Variants in PDCD2 observed in about 807,000 individuals in gnomAD.
The protein encoded by PDCD2 is programmed cell death 2, also known as uS5 assembly chaperone PDCD2.
Under a neutral mutation model 38.1 loss-of-function variants are expected in PDCD2, and 38 were observed. The ratio of observed to expected loss-of-function variants is 1.00; its 90% confidence interval spans 0.77 to 1.31. PDCD2 has a LOEUF of 1.31. Among genes scored for constraint, PDCD2 ranks in the 50% most tolerant of loss-of-function variants. The pLI is 0.00. For synonymous variants in PDCD2, 205 were observed against 168.9 expected (o/e 1.21, Z -1.66); for missense variants, 473 against 435.7 (o/e 1.09, Z -0.76).
chr6:170,579,105 A>G (rs1269428407), intron 4 of PDCD2, 135 bp from the exon 5 acceptor site: 6 of 599,084 alleles, frequency 1.0e-5, no homozygotes, highest in Non-Finnish European at 1.7e-5. Flanking sequence ...CAGTTCCCCC[A>G]TCAGACCTGG....
chr6:170,583,592 A>G lies in PDCD2; in HGVS notation c.439T>C (p.Ser147Pro), dbSNP rs762924182. The change falls in exon 2 of 6, where the codon TCC becomes CCC. Residue 147 changes from serine to proline, a missense_variant. By Grantham distance (74) the Ser-to-Pro change is moderately conservative (BLOSUM62 -1). Coordinates refer to ENST00000541970, the MANE Select transcript of PDCD2 (RefSeq NM_002598.4). ...VCGCLGPKTC[S>P]RCHKAYYCSK... ...CAGTAATATGCTTTGTGGCATCTGG[A>G]GCACGTTTTGGGGCCTAAACAGCCA... 8.1e-6 allele frequency: 13 copies of G among 1,613,778 alleles called. No individual in the cohort carries two copies. In the South Asian group the frequency reaches 1.4e-4, roughly 18 times the overall value.
At chr6:170,579,372 T>C (rs1321017571) in intron 4 of PDCD2, 1 of 167,980 alleles carries the variant, frequency 6.0e-6, no homozygotes, top group African/African-American at 2.4e-5. Context: ...AACATAGTGT[T>C]TTGAAAACTA....
intron 3 of PDCD2, chr6:170,582,182 A>G (rs1779628050): frequency 6.7e-7 from 1 of 1,499,316 alleles, no homozygotes; most frequent in Non-Finnish European, 9.0e-7. Flanking sequence ...CATTATATGG[A>G]CTTTAACTTC....
At chr6:170,579,581 G>C (rs1779537729) in intron 4 of PDCD2, 2 of 156,292 alleles carry the variant, frequency 1.3e-5, no homozygotes, top group Admixed American at 6.4e-5. Flanking sequence ...GTTTATGGTA[G>C]GGGAGGTTAA....
At chr6:170,577,767 A>G (rs753226224) in intron 5 of PDCD2, 50 bp from the exon 6 acceptor site, 2 of 1,582,274 alleles carry the variant, frequency 1.3e-6, no homozygotes, top group East Asian at 2.3e-5. Flanking sequence ...AGCAGGGAGC[A>G]CGAGACCTTC....
Position 170,584,298 on chromosome 6 carries a change from C to A in PDCD2, c.283+1G>T. On this transcript the variant is annotated splice_donor_variant, in intron 1 of 5. Coordinates refer to ENST00000541970, the MANE Select transcript of PDCD2 (RefSeq NM_002598.4). LOFTEE classifies it high-confidence loss of function. ...CGTCCCGACCCCGTTTGGCGGCTCA[C>A]CTCGCAGGCCGGCACAGCACGGCTG... The A allele has an allele frequency of 1.4e-6, 2 of 1,445,194 alleles. No homozygotes were observed. Among genetic ancestry groups the A allele is most frequent in the Non-Finnish European group, 1.8e-6 (2 of 1,104,634 alleles). The allele number at this position is 1,445,194 out of a possible 1,614,324, so 89.5% of individuals were successfully genotyped here.
chr6:170,583,215 G>A (rs758183308), intron 2 of PDCD2, 27 bp from the exon 3 acceptor site: 1 of 1,451,024 alleles, frequency 6.9e-7, no homozygotes, highest in Non-Finnish European at 9.5e-7. Context: ...AGCACTATTA[G>A]TAATCATTTA....
chr6:170,579,500 T>C (rs1288602803), intron 4 of PDCD2: 1 of 155,488 alleles, frequency 6.4e-6, no homozygotes, highest in African/African-American at 2.4e-5. Flanking sequence ...AAGACCTAGA[T>C]CTATTCTTCC....
intron 3 of PDCD2, chr6:170,581,254 CAT>C (rs751368994): frequency 3.2e-4 from 48 of 152,306 alleles, no homozygotes; most frequent in African/African-American, 1.1e-3. Flanking sequence ...AAATTCCACA[CAT>C]ATCACTTCAT....
At chr6:170,584,120 G>A (rs1326236392) in intron 1 of PDCD2, 179 bp downstream of exon 1, 1 of 626,596 alleles carries the variant, frequency 1.6e-6, no homozygotes, top group African/African-American at 1.9e-5. Context: ...AGCTTATGTA[G>A]CAAAAATGAG....
At chr6:170,583,483 A>G in intron 2 of PDCD2, 22 bp downstream of exon 2, 1 of 1,593,370 alleles carries the variant, frequency 6.3e-7, no homozygotes, top group Non-Finnish European at 8.6e-7. Context: ...CTGAACTGAG[A>G]CTTAAAAAAA....
At chr6:170,579,023 C>T in intron 4 of PDCD2, 53 bp from the exon 5 acceptor site, 1 of 1,111,684 alleles carries the variant, frequency 9.0e-7, no homozygotes, top group Non-Finnish European at 1.3e-6. Flanking sequence ...CTATAAGTTG[C>T]CAATGGTAAC....
At position 170,583,760 on chromosome 6, in the gene PDCD2, A is replaced by ATG. The variant is rs1562370728; in HGVS notation, c.284-14_284-13insCA. 2.5e-6 allele frequency: 4 copies of ATG among 1,590,842 alleles called. No homozygotes were observed. The African/African-American group carries it at 5.4e-5, about 21-fold the overall frequency. ...TGATTCCTAAAAACTAAAAAAGAAT[A>ATG]CAGAGAAAAGTTTTATCTTCAAACA... On this transcript the variant is annotated splice_polypyrimidine_tract_variant and intron_variant, in intron 1 of 5. Coordinates refer to ENST00000541970, the MANE Select transcript of PDCD2 (RefSeq NM_002598.4).
chr6:170,581,283 T>C lies in PDCD2; in HGVS notation c.659-1178A>G, dbSNP rs190138128. On this transcript the variant is annotated intron_variant, in intron 3 of 5. Transcript: ENST00000541970. ...TCACTTCATTCATAATTAAGTTATG[T>C]ACCCCTCGAAGGCAAACTCTTTCCT... 35 of 152,282 alleles carry C rather than the reference T, an allele frequency of 2.3e-4. No homozygotes were observed. In the East Asian group the frequency reaches 6.6e-3, roughly 29 times the overall value. The allele number at this position is 152,282 out of a possible 1,614,324, so 9.4% of individuals were successfully genotyped here.
rs1174295255 is a variant in PDCD2 at position 170,576,235 on chromosome 6, A to G, written c.*1324T>C. Reference sequence around the variant, plus strand: ...GTGCTATGTATAACTATCTTATACAATTAATACAAATTGCATATGTATACT... The same window carrying G: ...GTGCTATGTATAACTATCTTATACAGTTAATACAAATTGCATATGTATACT... On this transcript the variant is annotated 3_prime_UTR_variant, in exon 6 of 6. Coordinates refer to ENST00000541970, the MANE Select transcript of PDCD2 (RefSeq NM_002598.4). The G allele has an allele frequency of 2.0e-5, 3 of 152,266 alleles. No homozygotes were observed. The allele number at this position is 152,266 out of a possible 1,614,324, so 9.4% of individuals were successfully genotyped here.
chr6:170,578,076 T>C (rs1415960633), intron 5 of PDCD2, among the ~76,000 whole-genome samples: 2 of 152,188 alleles, frequency 1.3e-5, no homozygotes, highest in Admixed American at 6.5e-5. Flanking sequence ...TTACTAGTAA[T>C]GAATACAGAA....
intron 3 of PDCD2, among the ~76,000 whole-genome samples, chr6:170,580,767 AC>A (rs1179378325): frequency 6.6e-6 from 1 of 152,082 alleles, no homozygotes; most frequent in African/African-American, 2.4e-5. Context: ...GATTACAGCC[AC>A]CCTAAGCCAC....
intron 5 of PDCD2, chr6:170,578,608 T>C (rs972613503): frequency 2.7e-5 from 19 of 702,884 alleles, no homozygotes; most frequent in Non-Finnish European, 4.9e-5. Flanking sequence ...GAGAGCAGTG[T>C]AGATATCCTC....
At chr6:170,582,972 A>G in intron 3 of PDCD2, 85 bp downstream of exon 3, 1 of 1,530,806 alleles carries the variant, frequency 6.5e-7, no homozygotes, top group Non-Finnish European at 8.7e-7. Flanking sequence ...TCTTCCTCTC[A>G]GTACCTCTCT....
Sources: gnomAD v4.1 joint callset for allele counts (sites outside exome capture counted in the v4.1 genomes callset) on GRCh38, gnomAD v4.1.1 for gene constraint, MANE v1.5 for transcripts, NCBI Gene and HGNC (gene_info 2026-07-23, HGNC 2026-07-21) for gene names.